Variants in CSMD1 observed in about 807,000 individuals in gnomAD.
CSMD1 encodes the protein CUB and Sushi multiple domains 1.
A neutral mutation model predicts 417.5 loss-of-function variants in CSMD1; 213 were observed. The observed-to-expected ratio is 0.51, with a 90% CI of 0.46 to 0.57. The LOEUF is 0.57. Ranked by LOEUF, CSMD1 falls within the 20% of genes least tolerant of loss-of-function variation. CSMD1 has a pLI of 0.00. For missense variants in CSMD1, 6,923 were observed against 4,529.7 expected (o/e 1.53, Z -15.17); for synonymous variants, 2,862 against 1,736.8 (o/e 1.65, Z -16.11).
chr8:4,770,560 A>C lies in CSMD1; in HGVS notation c.86-133002T>G, dbSNP rs562118466. Among the ~76,000 whole-genome samples the C allele has an allele frequency of 2.0e-5, 3 of 152,072 alleles. No homozygotes were observed. The South Asian group carries it at 6.2e-4, about 32-fold the overall frequency. On this transcript the variant is annotated intron_variant, in intron 1 of 69. Coordinates refer to ENST00000635120, the MANE Select transcript of CSMD1 (RefSeq NM_033225.6). ...GAAGGCATTACACTTCCTGATTTAA[A>C]ATTATAGTACAAAGTTATAGTAATC...
chr8:3,332,181 T>C (rs759768539), intron 23 of CSMD1, among the ~76,000 whole-genome samples: 8 of 152,252 alleles, frequency 5.3e-5, no homozygotes, highest in Non-Finnish European at 8.8e-5. Context: ...TGCACGGATA[T>C]TATCCAAAAC....
chr8:4,197,771 T>A (rs1183524942), intron 3 of CSMD1, among the ~76,000 whole-genome samples: 2 of 152,022 alleles, frequency 1.3e-5, no homozygotes, highest in African/African-American at 4.8e-5. Flanking sequence ...CCCAGCTACT[T>A]GGGAGGCTGA....
At chr8:3,368,636 G>T (rs192285969) in intron 19 of CSMD1, among the ~76,000 whole-genome samples, 1 of 152,194 alleles carries the variant, frequency 6.6e-6, no homozygotes, top group East Asian at 1.9e-4. Flanking sequence ...ACTTCACCTG[G>T]CCCCAAATAG....
intron 5 of CSMD1, among the ~76,000 whole-genome samples, chr8:3,783,768 A>T (rs946392055): frequency 1.3e-5 from 2 of 152,180 alleles, no homozygotes; most frequent in African/African-American, 2.4e-5. Context: ...ATATAAGGGG[A>T]AAAGAAAGTC....
rs115072746 is a variant in CSMD1 at position 3,443,700 on chromosome 8, A to G, written c.1561+25012T>C. 2.6e-3 allele frequency among the ~76,000 whole-genome samples: 402 copies of G among 152,346 alleles called. 1 individual carries two copies. The highest frequency in any genetic ancestry group is 0.017 in the Middle Eastern group (5 of 294). ...AAACAAAATTATTTTAAAGCAATCT[A>G]AAATGTTTAAAGAAGTAAATCTAAT... On this transcript the variant is annotated intron_variant, in intron 12 of 69. Coordinates refer to ENST00000635120, the MANE Select transcript of CSMD1 (RefSeq NM_033225.6).
At position 4,071,195 on chromosome 8, in the gene CSMD1, T is replaced by TC. The variant is rs547763942; in HGVS notation, c.416-39097dup. Among the ~76,000 whole-genome samples, 675 of 152,202 alleles carry TC rather than the reference T, an allele frequency of 4.4e-3. 5 individuals are homozygous for TC. Among genetic ancestry groups the TC allele is most frequent in the Middle Eastern group, 0.017 (5 of 294 alleles). On this transcript the variant is annotated intron_variant, in intron 3 of 69. Transcript: ENST00000635120. Reference sequence around the variant, plus strand: ...GATAGTTTCTCCCTTATTCTCCCTCTCTTTCTCCTTCCGGAGTTTCAGCTA... The same window carrying TC: ...GATAGTTTCTCCCTTATTCTCCCTCTCCTTTCTCCTTCCGGAGTTTCAGCTA...
intron 10 of CSMD1, among the ~76,000 whole-genome samples, chr8:3,523,892 G>C (rs950489807): frequency 1.1e-4 from 15 of 140,692 alleles, no homozygotes; most frequent in Admixed American, 9.3e-4. Flanking sequence ...CATGCACAGA[G>C]ACATATGCAC....
chr8:3,994,943 C>T (rs1815086181), intron 5 of CSMD1, among the ~76,000 whole-genome samples: 2 of 152,122 alleles, frequency 1.3e-5, no homozygotes, highest in African/African-American at 4.8e-5. Context: ...GCCCTCACTC[C>T]ACTCACAGTC....
chr8:4,772,785 G>A (rs1268128261), intron 1 of CSMD1, among the ~76,000 whole-genome samples: 2 of 152,110 alleles, frequency 1.3e-5, no homozygotes, highest in African/African-American at 4.8e-5. Flanking sequence ...GTCTTCCAGG[G>A]CTTAAGGTAC....
intron 50 of CSMD1, among the ~76,000 whole-genome samples, chr8:3,037,009 G>T (rs143033748): frequency 1.8e-4 from 28 of 152,186 alleles, no homozygotes; most frequent in African/African-American, 6.5e-4. Context: ...AGAGTCCACT[G>T]TATCATTCTT....
intron 54 of CSMD1, among the ~76,000 whole-genome samples, chr8:2,986,918 C>A (rs930991629): frequency 6.6e-6 from 1 of 151,858 alleles, no homozygotes; most frequent in African/African-American, 2.4e-5. Flanking sequence ...TAGCAAAAAC[C>A]GCAATTACTT....
chr8:3,587,714 ATT>A (rs1800667078), intron 8 of CSMD1, among the ~76,000 whole-genome samples: 1 of 152,160 alleles, frequency 6.6e-6, no homozygotes, highest in Non-Finnish European at 1.5e-5. Context: ...AATTAAACAC[ATT>A]TCTTTTCTAA....
intron 10 of CSMD1, among the ~76,000 whole-genome samples, chr8:3,554,154 A>C (rs1585354892): frequency 1.3e-5 from 2 of 152,248 alleles, no homozygotes; most frequent in Non-Finnish European, 2.9e-5. Context: ...AACATACACA[A>C]AAAGAAGGTA....
chr8:4,769,637 G>C (rs142189984), intron 1 of CSMD1, among the ~76,000 whole-genome samples: 1 of 152,102 alleles, frequency 6.6e-6, no homozygotes, highest in African/African-American at 2.4e-5. Context: ...AATTTCATCT[G>C]TTGAAAAAGA....
intron 5 of CSMD1, among the ~76,000 whole-genome samples, chr8:3,804,462 T>TA (rs547887682): frequency 1.0e-3 from 157 of 152,160 alleles, no homozygotes; most frequent in Non-Finnish European, 1.7e-3. Flanking sequence ...TGACTTACTA[T>TA]AATGGACTAT....
At chr8:4,411,808 C>G (rs1405037384) in intron 3 of CSMD1, among the ~76,000 whole-genome samples, 2 of 152,166 alleles carry the variant, frequency 1.3e-5, no homozygotes, top group Non-Finnish European at 2.9e-5. Context: ...TATGCATTCA[C>G]ATAGCTATGC....
intron 50 of CSMD1, among the ~76,000 whole-genome samples, chr8:3,037,616 A>G (rs1171070966): frequency 6.6e-6 from 1 of 152,142 alleles, no homozygotes; most frequent in African/African-American, 2.4e-5. Context: ...GATGCCCCGT[A>G]GTAGGGCTGC....
chr8:3,368,943 A>G (rs1229324983), intron 19 of CSMD1, among the ~76,000 whole-genome samples: 2 of 152,200 alleles, frequency 1.3e-5, no homozygotes, highest in Non-Finnish European at 2.9e-5. Flanking sequence ...CCCTTTATTT[A>G]ATCAATGGTC....
intron 1 of CSMD1, among the ~76,000 whole-genome samples, chr8:4,701,216 G>C (rs1411917635): frequency 6.6e-6 from 1 of 151,906 alleles, no homozygotes; most frequent in African/African-American, 2.4e-5. Context: ...ACTGTTCTTT[G>C]CTCAGAGCTC....
Sources: allele counts gnomAD v4.1 joint callset (sites outside exome capture counted in the v4.1 genomes callset), GRCh38; gene constraint gnomAD v4.1.1; transcripts MANE v1.5; gene names NCBI Gene and HGNC (gene_info 2026-07-23, HGNC 2026-07-21).